EHF: variants seen among roughly 807,000 people sequenced by gnomAD.
EHF encodes the protein ESE3 transcription factor.
Under a neutral mutation model 45.1 loss-of-function variants are expected in EHF, and 14 were observed. The ratio of observed to expected loss-of-function variants is 0.31; its 90% confidence interval spans 0.21 to 0.49. EHF has a LOEUF of 0.49. Among genes scored for constraint, EHF ranks in the 20% least tolerant of loss-of-function variants. EHF has a pLI of 0.99. For missense variants in EHF, 282 were observed against 371.4 expected (o/e 0.76, Z 1.98); for synonymous variants, 136 against 131.8 (o/e 1.03, Z -0.22).
rs931761195 is a variant in EHF, at chr11:34,660,438, TTTTTG to T, written c.*1519_*1523del. On this transcript the variant is annotated 3_prime_UTR_variant, in exon 9 of 9. Coordinates refer to ENST00000257831, the MANE Select transcript of EHF (RefSeq NM_012153.6). Reference sequence around the variant, plus strand: ...CCTAGATTTGTACTCAGAGGAATTTTTTTTGTTTTGTTTTGTCTTTTAAGAAAGGA... The same window carrying T: ...CCTAGATTTGTACTCAGAGGAATTTTTTTTGTTTTGTCTTTTAAGAAAGGA... 1 of 152,134 alleles carries T rather than the reference TTTTTG, an allele frequency of 6.6e-6. No individual in the cohort carries two copies. Among genetic ancestry groups the T allele is most frequent in the African/African-American group, 2.4e-5 (1 of 41,442 alleles). The allele number at this position is 152,134 out of a possible 1,614,324, so 9.4% of individuals were successfully genotyped here.
At chr11:34,623,116 G>C (rs1470830511) in intron 1 of EHF, among the ~76,000 whole-genome samples, 1 of 151,944 alleles carries the variant, frequency 6.6e-6, no homozygotes, top group Non-Finnish European at 1.5e-5. Context: ...TTGAGATGAA[G>C]TCTCCGTCGC....
intron 3 of EHF, 86 bp downstream of exon 3, chr11:34,646,770 C>G: frequency 6.5e-7 from 1 of 1,544,776 alleles, no homozygotes; most frequent in Non-Finnish European, 8.8e-7. Context: ...GATTCTTTGT[C>G]AGGGACAAGA....
chr11:34,643,191 G>A (rs573962818), intron 2 of EHF, among the ~76,000 whole-genome samples: 2 of 152,018 alleles, frequency 1.3e-5, no homozygotes, highest in Non-Finnish European at 2.9e-5. Flanking sequence ...CAAGGGGAGA[G>A]GAGATTTGTA....
chr11:34,622,498 C>T (rs957549492), intron 1 of EHF: 1 of 773,150 alleles, frequency 1.3e-6, no homozygotes. Context: ...CCACTGGGGT[C>T]AGGGGAAAAA....
chr11:34,630,851 A>G (rs1028945015), intron 1 of EHF, among the ~76,000 whole-genome samples: 1 of 152,046 alleles, frequency 6.6e-6, no homozygotes, highest in Non-Finnish European at 1.5e-5. Flanking sequence ...CTGGAGAGGC[A>G]ACATTTCTGA....
Position 34,658,992 on chromosome 11 carries a change from C to A in EHF, c.*61C>A. The A allele has an allele frequency of 7.7e-7, 1 of 1,300,898 alleles. No individual in the cohort carries two copies. Among genetic ancestry groups the A allele is most frequent in the Non-Finnish European group, 1.1e-6 (1 of 930,804 alleles). 80.6% of individuals were successfully genotyped at this position (1,300,898 alleles called of 1,614,324 possible). A position where few individuals can be genotyped will look rare whatever the true frequency, so the allele number is the denominator to read the frequency against. The stretch of plus-strand genomic sequence containing the variant: ...ACCAAATAATCAGAAACAAAGAACT[C>A]CTGGACGTAAATATTTCAAAGACTA... On this transcript the variant is annotated 3_prime_UTR_variant, in exon 9 of 9. Transcript: ENST00000257831.
intron 4 of EHF, 129 bp downstream of exon 4, chr11:34,649,210 G>A (rs1854896666): frequency 2.3e-6 from 2 of 869,576 alleles, no homozygotes; most frequent in African/African-American, 1.6e-5. Context: ...TTCCCTGGCT[G>A]TCTCTGATGG....
Position 34,646,539 on chromosome 11 carries a change from C to A in EHF, c.198C>A (p.Asn66Lys). The A allele has an allele frequency of 1.2e-6, 2 of 1,613,888 alleles. No individual in the cohort carries two copies. The highest frequency in any genetic ancestry group is 1.7e-6 in the Non-Finnish European group (2 of 1,179,902). ...WEWLQHLLDT[N>K]QLDANCIPFQ... Reference sequence around the variant, plus strand: ...GGCTCCAGCACCTCCTGGACACCAACCAGCTGGATGCCAATTGTATCCCTT... The same window carrying A: ...GGCTCCAGCACCTCCTGGACACCAAACAGCTGGATGCCAATTGTATCCCTT... The change falls in exon 3 of 9, where the codon AAC (asparagine) becomes AAA (lysine). Residue 66 changes from asparagine (N) to lysine (K), a missense_variant. Transcript: ENST00000257831.
At chr11:34,648,895 A>G in intron 3 of EHF, 124 bp from the exon 4 acceptor site, 1 of 900,454 alleles carries the variant, frequency 1.1e-6, no homozygotes, top group East Asian at 2.5e-5. Flanking sequence ...CCCATAAACA[A>G]ACATAGGTGA....
chr11:34,631,626 G>C (rs771192838), intron 1 of EHF: 54 of 962,574 alleles, frequency 5.6e-5, no homozygotes, highest in Non-Finnish European at 6.5e-5. Flanking sequence ...GCCCGATTTT[G>C]AGGTAGGTGT....
At chr11:34,632,479 T>G in intron 1 of EHF, 1 of 1,525,474 alleles carries the variant, frequency 6.6e-7, no homozygotes, top group Non-Finnish European at 8.8e-7. Context: ...ACTGCTTTAT[T>G]CTGCCCTGAG....
chr11:34,624,907 T>G (rs11032789), intron 1 of EHF, among the ~76,000 whole-genome samples: 76,255 of 151,900 alleles, frequency 0.5, 19,904 homozygotes, highest in Non-Finnish European at 0.55. Context: ...GAGCTGTGTG[T>G]CCCAGAGCAC....
At chr11:34,624,552 C>A (rs996030935) in intron 1 of EHF, among the ~76,000 whole-genome samples, 1 of 152,070 alleles carries the variant, frequency 6.6e-6, no homozygotes. Context: ...TTAAATTGAA[C>A]GGGGTTTCAA....
chr11:34,657,277 G>A (rs889313440), intron 7 of EHF, among the ~76,000 whole-genome samples: 1 of 152,048 alleles, frequency 6.6e-6, no homozygotes, highest in African/African-American at 2.4e-5. Context: ...TCTCCCAGAA[G>A]AAAAGGGTGG....
intron 4 of EHF, among the ~76,000 whole-genome samples, chr11:34,650,521 T>C (rs1269972966): frequency 2.0e-5 from 3 of 152,120 alleles, no homozygotes; most frequent in Non-Finnish European, 4.4e-5. Flanking sequence ...ATTTGTGCTA[T>C]AAAAACAAAA....
chr11:34,642,805 T>A, intron 2 of EHF, 78 bp downstream of exon 2: 1 of 1,076,930 alleles, frequency 9.3e-7, no homozygotes, highest in Non-Finnish European at 1.4e-6. Context: ...CAACCTAATG[T>A]TTGAAAAATA....
chr11:34,625,413 A>G (rs1011784838), intron 1 of EHF, among the ~76,000 whole-genome samples: 1 of 152,188 alleles, frequency 6.6e-6, no homozygotes, highest in Non-Finnish European at 1.5e-5. Context: ...GAAAATGGAC[A>G]TTTAGGCACT....
intron 1 of EHF, among the ~76,000 whole-genome samples, chr11:34,637,376 C>T (rs1036534698): frequency 6.6e-6 from 1 of 152,222 alleles, no homozygotes; most frequent in East Asian, 1.9e-4. Context: ...GGCACAGAAG[C>T]AGTCCAAGTG....
intron 1 of EHF, among the ~76,000 whole-genome samples, chr11:34,633,463 G>A (rs1256021425): frequency 6.6e-6 from 1 of 152,176 alleles, no homozygotes; most frequent in Non-Finnish European, 1.5e-5. Flanking sequence ...GAGTGTTCAA[G>A]ACTTCGTTAA....
Sources: allele counts gnomAD v4.1 joint callset (sites outside exome capture counted in the v4.1 genomes callset), GRCh38; gene constraint gnomAD v4.1.1; transcripts MANE v1.5; gene names NCBI Gene and HGNC (gene_info 2026-07-23, HGNC 2026-07-21).